Variants in SEPTIN14 observed in about 807,000 individuals in gnomAD.
SEPTIN14 encodes the protein septin 14.
SEPTIN14 carries 40 observed loss-of-function variants against 53.6 expected under a neutral mutation model. The observed-to-expected ratio is 0.75, with a 90% CI of 0.58 to 0.97. SEPTIN14 has a LOEUF of 0.97. Ranked by LOEUF, SEPTIN14 falls within the 50% of genes least tolerant of loss-of-function variation. The pLI is 0.00. For synonymous variants in SEPTIN14, 138 were observed against 166.8 expected (o/e 0.83, Z 1.33); for missense variants, 471 against 508.2 (o/e 0.93, Z 0.70).
chr7:55,821,153 C>G (rs1562710566), intron 6 of SEPTIN14, among the ~76,000 whole-genome samples: 1 of 152,144 alleles, frequency 6.6e-6, no homozygotes, highest in Non-Finnish European at 1.5e-5. Context: ...GAGTTGGAGG[C>G]TCCCTTTTAC....
intron 7 of SEPTIN14, among the ~76,000 whole-genome samples, chr7:55,817,609 A>G (rs1359380679): frequency 6.6e-6 from 1 of 151,738 alleles, no homozygotes; most frequent in Non-Finnish European, 1.5e-5. Context: ...AGCTGGGACT[A>G]CAGGTGCCCG....
chr7:55,860,095 A>G (rs796836250), intron 2 of SEPTIN14, among the ~76,000 whole-genome samples: 4 of 145,280 alleles, frequency 2.8e-5, no homozygotes, highest in Non-Finnish European at 6.3e-5. Context: ...AGGAGAATCA[A>G]TTGAACCTGG....
intron 7 of SEPTIN14, among the ~76,000 whole-genome samples, chr7:55,813,982 C>T (rs1788750401): frequency 6.6e-6 from 1 of 152,140 alleles, no homozygotes. Context: ...GCTGTGATGG[C>T]CACAGGAGTG....
At chr7:55,799,518 C>CAAAAAAAAAAAAA (rs59445168) in intron 9 of SEPTIN14, among the ~76,000 whole-genome samples, 1 of 62,894 alleles carries the variant, frequency 1.6e-5, no homozygotes, top group East Asian at 3.4e-4. Flanking sequence ...ACTCTTGTCT[C>CAAAAAAAAAAAAA]AAAAAAAAAA....
At chr7:55,845,145 C>T (rs1203326901) in intron 3 of SEPTIN14, among the ~76,000 whole-genome samples, 1 of 152,048 alleles carries the variant, frequency 6.6e-6, no homozygotes, top group Admixed American at 6.6e-5. Context: ...TCATTTAGCT[C>T]CCACTTACAA....
intron 7 of SEPTIN14, among the ~76,000 whole-genome samples, chr7:55,815,060 TA>T (rs1788769863): frequency 6.6e-6 from 1 of 152,126 alleles, no homozygotes; most frequent in Non-Finnish European, 1.5e-5. Context: ...AGCGCTTCAA[TA>T]AATGGTGTTG....
At chr7:55,830,335 A>ATTTTT (rs1562713324) in intron 6 of SEPTIN14, among the ~76,000 whole-genome samples, 2 of 34,298 alleles carry the variant, frequency 5.8e-5, no homozygotes, top group African/African-American at 3.0e-4. Context: ...ATATATATAT[A>ATTTTT]TATATATATA....
chr7:55,796,589 G>A (rs1788435672), intron 9 of SEPTIN14, among the ~76,000 whole-genome samples: 1 of 151,898 alleles, frequency 6.6e-6, no homozygotes. Flanking sequence ...AAACTCCTGA[G>A]CTCAAGTGAT....
At chr7:55,817,732 A>C (rs781356943) in intron 7 of SEPTIN14, among the ~76,000 whole-genome samples, 3 of 152,048 alleles carry the variant, frequency 2.0e-5, no homozygotes, top group Non-Finnish European at 4.4e-5. Context: ...AGCCTCCCAA[A>C]GTGCTGGGAT....
intron 6 of SEPTIN14, among the ~76,000 whole-genome samples, chr7:55,828,768 T>G (rs1169459720): frequency 6.6e-6 from 1 of 152,142 alleles, no homozygotes; most frequent in Non-Finnish European, 1.5e-5. Context: ...TTCAGAGTAT[T>G]TTCCTTCAAG....
rs1214859190 is a variant in SEPTIN14 at position 55,807,216 on chromosome 7, A to C, written c.860T>G (p.Met287Arg). ...NHCDFVKLRDMLLCTNMENLK... is the reference protein window; with the variant it reads ...NHCDFVKLRDRLLCTNMENLK... ...ATTTTCCATATTGGTACAAAGAAGC[A>C]TATCTCGGAGCTTAACGAAGTCACA... The change falls in exon 8 of 10, where the codon ATG becomes AGG. Residue 287 changes from methionine to arginine, a missense_variant. Transcript: ENST00000388975. 1 of 1,603,758 alleles carries C rather than the reference A, an allele frequency of 6.2e-7. No homozygotes were observed. Among genetic ancestry groups the C allele is most frequent in the African/African-American group, 1.3e-5 (1 of 74,292 alleles).
At position 55,818,341 on chromosome 7, in the gene SEPTIN14, A is replaced by G. The variant is rs565624382; in HGVS notation, c.817+786T>C. On this transcript the variant is annotated intron_variant, in intron 7 of 9. Transcript: ENST00000388975. Reference sequence around the variant, plus strand: ...ACAAAAATTAGCCCGGTGTGGCGGCAAGCGCATGTAATCCCAGCTACTCGG... The same window carrying G: ...ACAAAAATTAGCCCGGTGTGGCGGCGAGCGCATGTAATCCCAGCTACTCGG... 2.7e-3 allele frequency among the ~76,000 whole-genome samples: 417 copies of G among 151,998 alleles called. 4 individuals carry two copies. The highest frequency in any genetic ancestry group is 0.01 in the Middle Eastern group (3 of 294).
At chr7:55,834,696 G>T (rs1238248905) in intron 5 of SEPTIN14, 110 bp from the exon 6 acceptor site, 1 of 773,080 alleles carries the variant, frequency 1.3e-6, no homozygotes, top group Non-Finnish European at 2.0e-6. Context: ...AGGCTGGAGT[G>T]CAGGGGCACG....
chr7:55,836,686 C>A (rs1055392849), intron 5 of SEPTIN14, among the ~76,000 whole-genome samples: 1 of 152,008 alleles, frequency 6.6e-6, no homozygotes, highest in Non-Finnish European at 1.5e-5. Flanking sequence ...TGCAGTGAGC[C>A]GAGATTGCGC....
At chr7:55,840,490 G>GA (rs912858865) in intron 5 of SEPTIN14, among the ~76,000 whole-genome samples, 25 of 149,510 alleles carry the variant, frequency 1.7e-4, no homozygotes, top group Non-Finnish European at 2.8e-4. Context: ...ACTCCGTCTC[G>GA]AAAAAAAAAG....
intron 5 of SEPTIN14, among the ~76,000 whole-genome samples, chr7:55,836,578 A>C (rs1399908477): frequency 1.3e-5 from 2 of 152,136 alleles, no homozygotes; most frequent in Non-Finnish European, 2.9e-5. Context: ...GTCTCTACTA[A>C]AAATGCAAAA....
intron 6 of SEPTIN14, among the ~76,000 whole-genome samples, chr7:55,821,050 C>T (rs1014795883): frequency 1.1e-4 from 16 of 152,192 alleles, no homozygotes; most frequent in Non-Finnish European, 2.9e-5. Flanking sequence ...ATCTTTATTA[C>T]TGCCCTGATT....
chr7:55,854,000 C>T (rs1056494925), intron 2 of SEPTIN14, among the ~76,000 whole-genome samples: 21 of 151,822 alleles, frequency 1.4e-4, no homozygotes, highest in African/African-American at 3.6e-4. Flanking sequence ...ACATGCTCGT[C>T]GTCCCAGCTA....
intron 2 of SEPTIN14, among the ~76,000 whole-genome samples, chr7:55,858,349 C>G (rs1431408247): frequency 1.3e-5 from 2 of 152,200 alleles, no homozygotes; most frequent in South Asian, 2.1e-4. Context: ...TAACTGCTGT[C>G]AAGATACATA....
Sources: gnomAD v4.1 joint callset for allele counts (sites outside exome capture counted in the v4.1 genomes callset) on GRCh38, gnomAD v4.1.1 for gene constraint, MANE v1.5 for transcripts, NCBI Gene and HGNC (gene_info 2026-07-23, HGNC 2026-07-21) for gene names.